Variants in QKI observed in about 807,000 individuals in gnomAD.
QKI encodes KH domain-containing RNA-binding protein QKI.
A neutral mutation model predicts 39.0 loss-of-function variants in QKI; 10 were observed. The observed-to-expected ratio is 0.26, with a 90% confidence interval of 0.16 to 0.43. The LOEUF (loss-of-function observed/expected upper bound fraction) is 0.43, where lower values mean the gene tolerates loss of function less well. Among genes scored for constraint, QKI ranks in the 20% least tolerant of loss-of-function variants. QKI has a pLI of 1.00. For missense variants in QKI, 218 were observed against 428.0 expected (o/e 0.51, Z 4.33); for synonymous variants, 204 against 155.4 (o/e 1.31, Z -2.33).
intron 1 of QKI, among the ~76,000 whole-genome samples, chr6:163,430,172 C>T (rs1481662878): frequency 1.3e-5 from 2 of 151,948 alleles, no homozygotes; most frequent in Non-Finnish European, 2.9e-5. Context: ...CTTTTTATAC[C>T]TTTGGTCTTA....
intron 2 of QKI, among the ~76,000 whole-genome samples, chr6:163,473,551 A>T (rs1305162133): frequency 1.3e-5 from 2 of 152,244 alleles, no homozygotes; most frequent in Non-Finnish European, 2.9e-5. Context: ...AAGAATAAAA[A>T]AATGAGACAT....
chr6:163,560,183 C>G (rs1214194307), intron 4 of QKI, among the ~76,000 whole-genome samples: 2 of 152,082 alleles, frequency 1.3e-5, no homozygotes, highest in African/African-American at 4.8e-5. Flanking sequence ...GAAATAAGCC[C>G]TATTCTCATG....
Position 163,461,957 on chromosome 6 carries a change from T to C in QKI, c.285+6536T>C, listed in dbSNP as rs189713805. On this transcript the variant is annotated intron_variant, in intron 2 of 7. Transcript: ENST00000361752. ...AATTTATTTTGTAAGTTAATGAGAC[T>C]ATGTTTTCTTTTGATTTCAGTTTGG... is the stretch of plus-strand genomic sequence containing the variant. Among the ~76,000 whole-genome samples, 5 of 152,334 alleles carry C rather than the reference T, an allele frequency of 3.3e-5. No individual in the cohort carries two copies. In the East Asian group the frequency reaches 9.6e-4, roughly 29 times the overall value.
intron 2 of QKI, among the ~76,000 whole-genome samples, chr6:163,470,986 T>C (rs1446519736): frequency 1.3e-5 from 2 of 152,150 alleles, no homozygotes; most frequent in Non-Finnish European, 2.9e-5. Context: ...TTCAGAACTA[T>C]AAAACCAAAG....
intron 3 of QKI, among the ~76,000 whole-genome samples, chr6:163,508,812 A>G (rs1266427001): frequency 6.6e-6 from 1 of 151,636 alleles, no homozygotes; most frequent in Non-Finnish European, 1.5e-5. Context: ...TACAGGCATG[A>G]GCCACCGTGC....
intron 1 of QKI, among the ~76,000 whole-genome samples, chr6:163,443,547 A>G (rs1789915437): frequency 6.6e-6 from 1 of 152,190 alleles, no homozygotes; most frequent in Non-Finnish European, 1.5e-5. Context: ...AGCCTGGGCG[A>G]GACTCCGTCT....
At chr6:163,429,894 A>T (rs995696002) in intron 1 of QKI, among the ~76,000 whole-genome samples, 4 of 152,198 alleles carry the variant, frequency 2.6e-5, no homozygotes, top group Non-Finnish European at 5.9e-5. Context: ...TTATCTCAGT[A>T]GTTGGAAAGA....
At chr6:163,479,669 G>A (rs527407006) in intron 3 of QKI, among the ~76,000 whole-genome samples, 10 of 152,256 alleles carry the variant, frequency 6.6e-5, no homozygotes, top group East Asian at 5.8e-4. Context: ...CACGCCTGGC[G>A]GTTTCCCCTT....
At chr6:163,552,560 A>G (rs1473904451) in intron 4 of QKI, among the ~76,000 whole-genome samples, 1 of 151,930 alleles carries the variant, frequency 6.6e-6, no homozygotes, top group Non-Finnish European at 1.5e-5. Context: ...GCGGAGGAGG[A>G]GGAGGGGTTG....
intron 1 of QKI, among the ~76,000 whole-genome samples, chr6:163,429,594 T>G (rs1223968158): frequency 6.6e-6 from 1 of 151,404 alleles, no homozygotes; most frequent in Non-Finnish European, 1.5e-5. Context: ...TTTAAAAGCC[T>G]TAAGTTACAA....
chr6:163,472,065 C>G (rs903200386), intron 2 of QKI, among the ~76,000 whole-genome samples: 1 of 152,064 alleles, frequency 6.6e-6, no homozygotes, highest in Non-Finnish European at 1.5e-5. Flanking sequence ...GCACTGACTC[C>G]CTTTGCGGTA....
At chr6:163,438,436 A>G (rs565395673) in intron 1 of QKI, among the ~76,000 whole-genome samples, 5 of 152,280 alleles carry the variant, frequency 3.3e-5, no homozygotes, top group Non-Finnish European at 5.9e-5. Context: ...TCATTATGCT[A>G]TTTCCTTTTG....
intron 6 of QKI, chr6:163,565,832 G>A (rs886311391): frequency 6.2e-6 from 9 of 1,440,550 alleles, no homozygotes; most frequent in Non-Finnish European, 8.3e-6. Flanking sequence ...TTTAAAATAA[G>A]CAGTGCCCTT....
intron 1 of QKI, among the ~76,000 whole-genome samples, chr6:163,422,456 G>T (rs910120899): frequency 6.6e-6 from 1 of 152,164 alleles, no homozygotes; most frequent in Non-Finnish European, 1.5e-5. Context: ...AGTCGGATGT[G>T]GTGGTGTGTG....
At chr6:163,423,720 GA>G (rs1249596671) in intron 1 of QKI, 1 of 152,224 alleles carries the variant, frequency 6.6e-6, no homozygotes, top group Non-Finnish European at 1.5e-5. Flanking sequence ...GGCTAAAAGT[GA>G]GAAAGCCATT....
rs188781240 is a variant in QKI at position 163,543,968 on chromosome 6, G to T, written c.546+8843G>T. Among the ~76,000 whole-genome samples the T allele has an allele frequency of 5.4e-3, 814 of 152,114 alleles. 4 individuals are homozygous for T. Among genetic ancestry groups the T allele is most frequent in the Non-Finnish European group, 8.9e-3 (606 of 67,938 alleles). Reference sequence around the variant, plus strand: ...CAGATACTGACTTTAATTTTACTCAGTGCATGTAATAAATACATATTTTTA... The same window carrying T: ...CAGATACTGACTTTAATTTTACTCATTGCATGTAATAAATACATATTTTTA... On this transcript the variant is annotated intron_variant, in intron 4 of 7. Coordinates refer to ENST00000361752, the MANE Select transcript of QKI (RefSeq NM_006775.3).
chr6:163,530,118 A>G (rs1307059732), intron 3 of QKI, among the ~76,000 whole-genome samples: 1 of 152,218 alleles, frequency 6.6e-6, no homozygotes, highest in East Asian at 1.9e-4. Context: ...GTAACTGTAA[A>G]ACAGACATTA....
chr6:163,460,294 G>T (rs928667448), intron 2 of QKI, among the ~76,000 whole-genome samples: 1 of 152,182 alleles, frequency 6.6e-6, no homozygotes, highest in African/African-American at 2.4e-5. Context: ...CATCTCTTGG[G>T]TCTAGGCCAT....
At chr6:163,554,791 A>C (rs11964059) in intron 4 of QKI, among the ~76,000 whole-genome samples, 10,930 of 152,256 alleles carry the variant, frequency 0.072, 559 homozygotes, top group African/African-American at 0.15. Flanking sequence ...CATCTCTGTT[A>C]CAACCTCTAC....
Sources: gnomAD v4.1 joint callset for allele counts (sites outside exome capture counted in the v4.1 genomes callset) on GRCh38, gnomAD v4.1.1 for gene constraint, MANE v1.5 for transcripts, NCBI Gene and HGNC (gene_info 2026-07-23, HGNC 2026-07-21) for gene names.